Variants in SLC4A5 observed in about 807,000 individuals in gnomAD.
The protein encoded by SLC4A5 is electrogenic sodium bicarbonate cotransporter 4.
SLC4A5 carries 96 observed loss-of-function variants against 120.4 expected under a neutral mutation model. That is an observed-to-expected ratio of 0.80 (90% confidence interval 0.68 to 0.94). The LOEUF is 0.94. Ranked by LOEUF, SLC4A5 falls within the 40% of genes least tolerant of loss-of-function variation. The pLI, the probability that SLC4A5 is intolerant of heterozygous loss-of-function variation, is 0.00. For missense variants in SLC4A5, 1,259 were observed against 1,459.5 expected (o/e 0.86, Z 2.24); for synonymous variants, 550 against 571.1 (o/e 0.96, Z 0.53).
chr2:74,285,761 GC>G lies in SLC4A5; in HGVS notation c.401+11del. The stretch of plus-strand genomic sequence containing the variant: ...CTGAAGTGCCCACCTCCCTCGTGGG[GC>G]CCCGCCTCACCTGGCTGACTCCTTC... On this transcript the variant is annotated intron_variant, in intron 8 of 30. Coordinates refer to ENST00000394019, the Ensembl canonical transcript of SLC4A5. 1.9e-6 allele frequency: 3 copies of G among 1,607,856 alleles called. No homozygotes were observed. Among genetic ancestry groups the G allele is most frequent in the Non-Finnish European group, 2.6e-6 (3 of 1,176,084 alleles).
intron 7 of SLC4A5, among the ~76,000 whole-genome samples, chr2:74,295,284 C>G (rs926600526): frequency 6.6e-6 from 1 of 152,030 alleles, no homozygotes; most frequent in Non-Finnish European, 1.5e-5. Flanking sequence ...CAAGGGGAAA[C>G]CTTCAGTGGC....
intron 8 of SLC4A5, among the ~76,000 whole-genome samples, chr2:74,272,045 A>G (rs1031398543): frequency 6.6e-6 from 1 of 152,166 alleles, no homozygotes; most frequent in Non-Finnish European, 1.5e-5. Flanking sequence ...CACCACTGCA[A>G]TGAAGCTGAA....
At position 74,220,768 on chromosome 2, in the gene SLC4A5, A is replaced by G. The variant is rs538791930; in HGVS notation, c.*33+666T>C. 9.3e-4 allele frequency among the ~76,000 whole-genome samples: 138 copies of G among 148,798 alleles called. 2 individuals are homozygous for G. The highest frequency in any genetic ancestry group is 3.1e-3 in the African/African-American group (122 of 39,972). Reference sequence around the variant, plus strand: ...CCTGACCTTGTGATCTGCCCGCCTCAGCCTCCCAAAGTGCTGGGACTACAG... The same window carrying G: ...CCTGACCTTGTGATCTGCCCGCCTCGGCCTCCCAAAGTGCTGGGACTACAG... On this transcript the variant is annotated intron_variant, in intron 30 of 30. Coordinates refer to ENST00000394019, the Ensembl canonical transcript of SLC4A5.
At chr2:74,302,566 G>A (rs749724397) in intron 7 of SLC4A5, among the ~76,000 whole-genome samples, 6 of 152,204 alleles carry the variant, frequency 3.9e-5, no homozygotes, top group Non-Finnish European at 5.9e-5. Context: ...GTAGTGAGCC[G>A]AGATCGCGCC....
chr2:74,306,003 C>T (rs1008513780), intron 6 of SLC4A5, among the ~76,000 whole-genome samples: 6 of 152,148 alleles, frequency 3.9e-5, no homozygotes, highest in Admixed American at 6.5e-5. Flanking sequence ...GTATTATAGG[C>T]GTGAGCCACC....
rs1433834005 is a variant in SLC4A5, at chr2:74,233,072, G to A, written c.2595+330C>T. ...TGCAGAGACCAGGAAGGCTAAGGAA[G>A]TTCCTCTGCCTCAGTGTTCTAGGCT... On this transcript the variant is annotated intron_variant, in intron 23 of 30. Coordinates refer to ENST00000394019, the Ensembl canonical transcript of SLC4A5. 2.0e-5 allele frequency among the ~76,000 whole-genome samples: 3 copies of A among 152,322 alleles called. No homozygotes were observed. The East Asian group carries it at 5.8e-4, about 29-fold the overall frequency.
chr2:74,270,159 G>A (rs1284525309), intron 8 of SLC4A5, among the ~76,000 whole-genome samples: 1 of 152,168 alleles, frequency 6.6e-6, no homozygotes, highest in Admixed American at 6.5e-5. Context: ...ATTTAACTAG[G>A]GACACCGCTC....
At chr2:74,330,790 GATGGAGGCAGTGAGGT>G (rs1673340905) in intron 4 of SLC4A5, among the ~76,000 whole-genome samples, 3 of 149,176 alleles carry the variant, frequency 2.0e-5, no homozygotes, top group Non-Finnish European at 3.0e-5. Flanking sequence ...GTGAGGTCTA[GATGGAGGCAGTGAGGT>G]CTAGATGGAG....
intron 4 of SLC4A5, among the ~76,000 whole-genome samples, chr2:74,333,508 T>C (rs144174878): frequency 9.5e-4 from 144 of 152,300 alleles, no homozygotes; most frequent in African/African-American, 3.3e-3. Flanking sequence ...TAAAAAATAA[T>C]ACTCCCAAAA....
At chr2:74,342,874 C>CA (rs1334024955) in intron 1 of SLC4A5, among the ~76,000 whole-genome samples, 4 of 152,166 alleles carry the variant, frequency 2.6e-5, no homozygotes, top group African/African-American at 9.7e-5. Context: ...CTAGGAGACT[C>CA]AGAGGAGACA....
rs148816329 is a variant in SLC4A5, at chr2:74,231,302, C to A, written c.2781G>T (p.Gln927His). Residue 927 changes from glutamine (Q) to histidine (H), a missense_variant, in exon 25 of 31, where the codon CAG (glutamine) becomes CAT (histidine). Coordinates refer to ENST00000394019, the Ensembl canonical transcript of SLC4A5. ...TGAAGACGATGATGCCGGTTACTCT[C>A]TGTTCCCTGGCAGAGAAGAACACAT... 5.6e-6 allele frequency: 9 copies of A among 1,611,136 alleles called. No individual in the cohort carries two copies. The East Asian group carries it at 2.0e-4, about 36-fold the overall frequency.
At chr2:74,261,845 G>T (rs1171948814) in intron 11 of SLC4A5, among the ~76,000 whole-genome samples, 1 of 152,246 alleles carries the variant, frequency 6.6e-6, no homozygotes, top group African/African-American at 2.4e-5. Flanking sequence ...GTTTGATGAA[G>T]ATGAAGGTAC....
intron 19 of SLC4A5, among the ~76,000 whole-genome samples, chr2:74,245,673 A>G (rs762391414): frequency 6.6e-6 from 1 of 152,262 alleles, no homozygotes; most frequent in Non-Finnish European, 1.5e-5. Context: ...TTACAAAATC[A>G]GTGCAGTCAC....
At chr2:74,277,053 C>G (rs1267256184) in intron 8 of SLC4A5, among the ~76,000 whole-genome samples, 5 of 152,110 alleles carry the variant, frequency 3.3e-5, no homozygotes, top group African/African-American at 1.2e-4. Context: ...TGAAGTCATC[C>G]CAGTGTCCCA....
chr2:74,255,949 A>G lies in SLC4A5; in HGVS notation c.868-17T>C, dbSNP rs1355388311. The G allele has an allele frequency of 1.9e-6, 3 of 1,611,926 alleles. No homozygotes were observed. Among genetic ancestry groups the G allele is most frequent in the Admixed American group, 1.7e-5 (1 of 59,968 alleles). The stretch of plus-strand genomic sequence containing the variant: ...GTTTTTCCGCTGGACAGGGAGGGGA[A>G]ACGAGATAGCCAAGGAGACTCCCAC... On this transcript the variant is annotated splice_polypyrimidine_tract_variant and intron_variant, in intron 12 of 30. Coordinates refer to ENST00000394019, the Ensembl canonical transcript of SLC4A5. This position sits in a 1 kb window ranked among gnomAD's most constrained non-coding sequence, Gnocchi z 4.0.
intron 21 of SLC4A5, among the ~76,000 whole-genome samples, chr2:74,238,278 TA>T (rs1360137467): frequency 1.3e-5 from 2 of 152,088 alleles, no homozygotes; most frequent in Non-Finnish European, 2.9e-5. Flanking sequence ...ACTGTATTCA[TA>T]AATCAGAAAA....
intron 7 of SLC4A5, among the ~76,000 whole-genome samples, chr2:74,302,069 G>A (rs552605403): frequency 6.6e-6 from 1 of 152,232 alleles, no homozygotes; most frequent in East Asian, 1.9e-4. Context: ...TTCTCAAATT[G>A]GAATATGTGG....
At chr2:74,266,151 T>G (rs1311728378) in intron 8 of SLC4A5, among the ~76,000 whole-genome samples, 1 of 152,192 alleles carries the variant, frequency 6.6e-6, no homozygotes, top group East Asian at 1.9e-4. Context: ...GGGCATGCCT[T>G]AGCACATATA....
At chr2:74,247,330 G>A in intron 18 of SLC4A5, 23 bp from the exon 19 acceptor site, 1 of 1,602,774 alleles carries the variant, frequency 6.2e-7, no homozygotes. Context: ...GGGGAGGTGA[G>A]GGGCCTCCAG....
Sources: allele counts gnomAD v4.1 joint callset (sites outside exome capture counted in the v4.1 genomes callset), GRCh38; gene constraint gnomAD v4.1.1; non-coding constraint Gnocchi (gnomAD v3.1); transcripts MANE v1.5; gene names NCBI Gene and HGNC (gene_info 2026-07-23, HGNC 2026-07-21).